ABCA12: variants seen among roughly 807,000 people sequenced by gnomAD.
ABCA12 encodes ATP binding cassette subfamily A member 12, also known as glucosylceramide transporter ABCA12.
Under a neutral mutation model 293.5 loss-of-function variants are expected in ABCA12, and 156 were observed. That is an observed-to-expected ratio of 0.53 (90% confidence interval 0.47 to 0.61). The LOEUF (loss-of-function observed/expected upper bound fraction) is 0.61, where lower values mean the gene tolerates loss of function less well. Ranked by LOEUF, ABCA12 falls within the 20% of genes least tolerant of loss-of-function variation. The pLI is 0.00. For missense variants in ABCA12, 2,797 were observed against 3,090.2 expected, an observed-to-expected ratio of 0.91 and a Z score of 2.25; for synonymous variants, 1,063 against 1,108.0, an observed-to-expected ratio of 0.96 and a Z score of 0.81.
intron 7 of ABCA12, among the ~76,000 whole-genome samples, chr2:215,038,504 G>A (rs1701034234): frequency 6.6e-6 from 1 of 152,138 alleles, no homozygotes; most frequent in Admixed American, 6.5e-5. Flanking sequence ...ACCCAGCTGT[G>A]TTCCGAACAG....
rs759311931 is a variant in ABCA12 at position 214,948,583 on chromosome 2, C to T, written c.7104+13G>A. The T allele has an allele frequency of 8.7e-6, 14 of 1,613,528 alleles. No homozygotes were observed. Among genetic ancestry groups the T allele is most frequent in the Non-Finnish European group, 1.7e-6 (2 of 1,179,712 alleles). Reference sequence around the variant, plus strand: ...TGGTTTCAAATTAAGTAATTTTTCACACTTGTACTCACTTCTTTAATATCC... The same window carrying T: ...TGGTTTCAAATTAAGTAATTTTTCATACTTGTACTCACTTCTTTAATATCC... On this transcript the variant is annotated intron_variant, in intron 47 of 52. Transcript: ENST00000272895.
Position 215,018,014 on chromosome 2 carries a change from T to C in ABCA12, c.1776A>G (p.Arg592=). 1 of 1,614,118 alleles carries C rather than the reference T, an allele frequency of 6.2e-7. No individual in the cohort carries two copies. Among genetic ancestry groups the C allele is most frequent in the Non-Finnish European group, 8.5e-7 (1 of 1,180,022 alleles). ...KLLAIPIPDN[R]AEIISQVFWL... The stretch of plus-strand genomic sequence containing the variant: ...CAAACACATGACACCCCACCTCAGC[T>C]CTATTATCAGGGATGGGAATGGCCA... Residue 592 remains arginine, a synonymous_variant, in exon 14 of 53, where the codon AGA becomes AGG. Coordinates refer to ENST00000272895, the MANE Select transcript of ABCA12 (RefSeq NM_173076.3).
chr2:215,138,559 G>GAAA lies in ABCA12; in HGVS notation c.-354_-352dup, dbSNP rs545807074. 2.6e-4 allele frequency: 58 copies of GAAA among 226,898 alleles called. No homozygotes were observed. Among genetic ancestry groups the GAAA allele is most frequent in the South Asian group, 6.2e-4 (12 of 19,258 alleles). The allele number at this position is 226,898 out of a possible 1,614,324, so 14.1% of individuals were successfully genotyped here. On this transcript the variant is annotated 5_prime_UTR_variant, in exon 1 of 53. Transcript: ENST00000272895. Reference sequence around the variant, plus strand: ...AGCATCATTCAGATAATGCCTCACTGAAAAAAAAAAAAAAGCAGCAGCTGA... The same window carrying GAAA: ...AGCATCATTCAGATAATGCCTCACTGAAAAAAAAAAAAAAAAAGCAGCAGCTGA...
chr2:215,034,560 C>G (rs567882660), intron 8 of ABCA12, among the ~76,000 whole-genome samples: 2 of 152,166 alleles, frequency 1.3e-5, no homozygotes, highest in Non-Finnish European at 2.9e-5. Context: ...CAGTGAGATA[C>G]CTCAGAAGCA....
chr2:214,941,855 C>T (rs1390750523), intron 50 of ABCA12, among the ~76,000 whole-genome samples: 1 of 151,910 alleles, frequency 6.6e-6, no homozygotes, highest in Non-Finnish European at 1.5e-5. Flanking sequence ...TGTGTCTCTG[C>T]ACATGAGATG....
intron 23 of ABCA12, among the ~76,000 whole-genome samples, chr2:214,997,409 T>C (rs189459714): frequency 1.3e-5 from 2 of 152,310 alleles, no homozygotes; most frequent in East Asian, 3.9e-4. Context: ...CTAAGTCCTA[T>C]AGGTAATTTC....
At chr2:215,120,342 C>T (rs760071474) in intron 1 of ABCA12, among the ~76,000 whole-genome samples, 1 of 151,954 alleles carries the variant, frequency 6.6e-6, no homozygotes, top group East Asian at 1.9e-4. Context: ...CACTTGGATG[C>T]AATATACTCA....
chr2:214,978,829 C>T lies in ABCA12; in HGVS notation c.4952G>A (p.Gly1651Asp), dbSNP rs1221249387. ...GMGDLNIGCY[G>D]ISDTTVEEVF... ...CTCCTCCACGGTGGTATCTGAAATG[C>T]CGTAGCACCCGATGTTGAGGTCACC... is the stretch of plus-strand genomic sequence containing the variant. The change falls in exon 32 of 53, where the codon GGC becomes GAC. Residue 1651 changes from glycine (G) to aspartate (D), a missense_variant. Around this residue, in one of 3 missense-constraint regions of ABCA12, gnomAD observed 2,130 missense variants for 2,427.0 expected, o/e 0.88. Coordinates refer to ENST00000272895, the MANE Select transcript of ABCA12 (RefSeq NM_173076.3). 1.2e-6 allele frequency: 2 copies of T among 1,613,808 alleles called. No individual in the cohort carries two copies. Among genetic ancestry groups the T allele is most frequent in the African/African-American group, 2.7e-5 (2 of 74,858 alleles).
chr2:215,046,102 C>A, intron 6 of ABCA12, 87 bp from the exon 7 acceptor site: 1 of 1,406,692 alleles, frequency 7.1e-7, no homozygotes, highest in Non-Finnish European at 9.8e-7. Flanking sequence ...CATCAAAAAT[C>A]TAGATTTTCA....
intron 5 of ABCA12, 60 bp from the exon 6 acceptor site, chr2:215,049,871 T>G: frequency 6.8e-7 from 1 of 1,476,944 alleles, no homozygotes; most frequent in East Asian, 2.4e-5. Flanking sequence ...TGTTCAAATA[T>G]TCTATTCTTC....
chr2:214,963,246 C>T (rs376306184), intron 39 of ABCA12: 7 of 152,038 alleles, frequency 4.6e-5, no homozygotes, highest in Admixed American at 1.3e-4. Flanking sequence ...ACCGCTGACC[C>T]CATAGAAATA....
In ABCA12 at chr2:215,134,604, TATATATATATATAGAGAGAGAGAGA is replaced by T. The variant is rs1703163759; in HGVS notation, c.69+3511_69+3535del. The stretch of plus-strand genomic sequence containing the variant: ...CTCTCTCTCTCTCTCTCTCTCTATA[TATATATATATATAGAGAGAGAGAGA>T]GAGAGAGAGAGACAAACAGAGAGAG... On this transcript the variant is annotated intron_variant, in intron 1 of 52. Coordinates refer to ENST00000272895, the MANE Select transcript of ABCA12 (RefSeq NM_173076.3). 2.4e-5 allele frequency among the ~76,000 whole-genome samples: 2 copies of T among 83,572 alleles called. 1 individual carries two copies. Among genetic ancestry groups the T allele is most frequent in the African/African-American group, 1.6e-4 (2 of 12,170 alleles). 54.8% of individuals were successfully genotyped at this position (83,572 alleles called of 152,430 possible). A position where few individuals can be genotyped will look rare whatever the true frequency, so the allele number is the denominator to read the frequency against.
At chr2:215,039,201 C>T (rs1293098877) in intron 7 of ABCA12, among the ~76,000 whole-genome samples, 4 of 151,978 alleles carry the variant, frequency 2.6e-5, no homozygotes, top group East Asian at 1.9e-4. Flanking sequence ...AATCTGATTT[C>T]GGTGGTTGGT....
Position 215,138,440 on chromosome 2 carries a change from G to A in ABCA12, c.-232C>T, listed in dbSNP as rs943132300. On this transcript the variant is annotated 5_prime_UTR_variant, in exon 1 of 53. Transcript: ENST00000272895. ...TCAATCAACTCTTCTTCCAAAAGAA[G>A]GACCCAGATCAGTATCTTTGGGTGG... 7.0e-6 allele frequency: 4 copies of A among 572,460 alleles called. No homozygotes were observed. The African/African-American group carries it at 7.5e-5, about 11-fold the overall frequency. The allele number at this position is 572,460 out of a possible 1,614,324, so 35.5% of individuals were successfully genotyped here.
At position 215,018,069 on chromosome 2, in the gene ABCA12, C is replaced by G; in HGVS notation, c.1721G>C (p.Gly574Ala). 6.2e-7 allele frequency: 1 copy of G among 1,614,102 alleles called. No homozygotes were observed. Among genetic ancestry groups the G allele is most frequent in the Non-Finnish European group, 8.5e-7 (1 of 1,180,012 alleles). ...CTTGTCAATAGTCCTGTTGGACATT[C>G]CTGTTGTTCTCCTTAAATCTTCTTT... ...ELKEDLRRTT[G>A]MSNRTIDKLL... The change falls in exon 14 of 53, where the codon GGA (glycine) becomes GCA (alanine). Residue 574 changes from glycine (G) to alanine (A), a missense_variant. Gly to Ala is a moderately conservative substitution (Grantham distance 60). Transcript: ENST00000272895.
chr2:214,942,894 C>A (rs1049924885), intron 50 of ABCA12, 31 bp downstream of exon 50: 4 of 1,577,916 alleles, frequency 2.5e-6, no homozygotes, highest in Non-Finnish European at 3.5e-6. Flanking sequence ...TGACCCAACA[C>A]TATCTGTTAA....
intron 7 of ABCA12, chr2:215,039,183 C>T (rs1415753369): frequency 3.3e-5 from 5 of 152,120 alleles, no homozygotes; most frequent in Admixed American, 1.3e-4. Context: ...TTAACTTTAA[C>T]ATTATATAAT....
chr2:214,943,303 AT>A (rs1698467430), intron 49 of ABCA12, among the ~76,000 whole-genome samples: 1 of 151,080 alleles, frequency 6.6e-6, no homozygotes, highest in African/African-American at 2.5e-5. Flanking sequence ...TCTGGCTAAT[AT>A]TTTAATTTTA....
At chr2:214,959,197 G>A (rs991576473) in intron 39 of ABCA12, 119 bp from the exon 40 acceptor site, 3 of 918,796 alleles carry the variant, frequency 3.3e-6, no homozygotes, top group African/African-American at 1.7e-5. Context: ...ATTTTATTTG[G>A]GGGACCTTTT....
Sources: allele counts gnomAD v4.1 joint callset (sites outside exome capture counted in the v4.1 genomes callset), GRCh38; gene constraint gnomAD v4.1.1; regional missense constraint gnomAD v4.1.1; transcripts MANE v1.5; gene names NCBI Gene and HGNC (gene_info 2026-07-23, HGNC 2026-07-21).